NDNF: variants seen among roughly 807,000 people sequenced by gnomAD.
NDNF encodes neuron derived neurotrophic factor.
A neutral mutation model predicts 42.0 loss-of-function variants in NDNF; 16 were observed. That is an observed-to-expected ratio of 0.38 (90% CI 0.26 to 0.58). The LOEUF (loss-of-function observed/expected upper bound fraction) is 0.58. Among genes scored for constraint, NDNF ranks in the 20% least tolerant of loss-of-function variants. NDNF has a pLI of 0.67. For synonymous variants in NDNF, 248 were observed against 251.7 expected (o/e 0.99, Z 0.14); for missense variants, 616 against 666.2 (o/e 0.92, Z 0.83).
At chr4:121,058,806 A>C (rs1727347195) in intron 1 of NDNF, among the ~76,000 whole-genome samples, 1 of 152,014 alleles carries the variant, frequency 6.6e-6, no homozygotes, top group African/African-American at 2.4e-5. Context: ...ACCCATTTCC[A>C]ATATCTCTCA....
chr4:121,039,176 CTA>C (rs1301250931), intron 3 of NDNF, among the ~76,000 whole-genome samples: 2,108 of 12,632 alleles, frequency 0.17, 129 homozygotes, highest in African/African-American at 0.23. Context: ...TATATAAAGA[CTA>C]TGTGTGTGTG....
chr4:121,066,411 C>T (rs1727500453), intron 1 of NDNF, among the ~76,000 whole-genome samples: 1 of 152,142 alleles, frequency 6.6e-6, no homozygotes, highest in Admixed American at 6.5e-5. Flanking sequence ...CAGAAGTCAC[C>T]ATACACTTGT....
chr4:121,065,834 TA>T (rs1433984183), intron 1 of NDNF, among the ~76,000 whole-genome samples: 1 of 152,108 alleles, frequency 6.6e-6, no homozygotes, highest in African/African-American at 2.4e-5. Context: ...GTTATTAAAA[TA>T]TCTTTGTAAA....
chr4:121,053,665 A>G (rs1008600813), intron 1 of NDNF, among the ~76,000 whole-genome samples: 2 of 152,236 alleles, frequency 1.3e-5, no homozygotes, highest in Non-Finnish European at 2.9e-5. Flanking sequence ...CTGGAACAGA[A>G]TACTAAATAC....
chr4:121,052,930 T>C (rs1028661386), intron 1 of NDNF, among the ~76,000 whole-genome samples: 2 of 152,186 alleles, frequency 1.3e-5, no homozygotes, highest in South Asian at 2.1e-4. Flanking sequence ...ATAAAGCAGA[T>C]GGAAGTAAAG....
At chr4:121,046,306 T>C (rs1438415835) in intron 1 of NDNF, among the ~76,000 whole-genome samples, 1 of 152,204 alleles carries the variant, frequency 6.6e-6, no homozygotes, top group Non-Finnish European at 1.5e-5. Context: ...GGTTGAACTA[T>C]TACATTCAAC....
In NDNF at chr4:121,072,146, AAG is replaced by A. The variant is rs1267327936; in HGVS notation, c.-157_-156del. On this transcript the variant is annotated 5_prime_UTR_variant, in exon 1 of 4. Transcript: ENST00000379692. The stretch of plus-strand genomic sequence containing the variant: ...GGAGGGCGGGGACGGAGGCAGATAA[AAG>A]AGAAAAATTCAATCCGCTGAAGTGT... 3 of 152,370 alleles carry A rather than the reference AAG, an allele frequency of 2.0e-5. No homozygotes were observed. The highest frequency in any genetic ancestry group is 4.4e-5 in the Non-Finnish European group (3 of 68,190). The allele number at this position is 152,370 out of a possible 1,614,324, so 9.4% of individuals were successfully genotyped here. A position where few individuals can be genotyped will look rare whatever the true frequency, so the allele number is the denominator to read the frequency against.
intron 1 of NDNF, among the ~76,000 whole-genome samples, chr4:121,069,424 G>A (rs1018968832): frequency 1.3e-5 from 2 of 152,174 alleles, no homozygotes; most frequent in Non-Finnish European, 2.9e-5. Context: ...ATTAAAAGAT[G>A]TTTTATATTC....
chr4:121,057,220 G>A (rs1025039849), intron 1 of NDNF, among the ~76,000 whole-genome samples: 2 of 152,122 alleles, frequency 1.3e-5, no homozygotes, highest in African/African-American at 4.8e-5. Context: ...GGAAGAAGGG[G>A]CCCTTCTAGG....
intron 1 of NDNF, among the ~76,000 whole-genome samples, chr4:121,069,451 T>C (rs547214556): frequency 6.6e-6 from 1 of 152,362 alleles, no homozygotes; most frequent in South Asian, 2.1e-4. Context: ...TCATTTCTGC[T>C]GAAATAAATG....
In NDNF at chr4:121,072,469, G is replaced by C. The variant is rs987571285; in HGVS notation, c.-478C>G. 1.3e-5 allele frequency: 2 copies of C among 151,842 alleles called. No homozygotes were observed. The highest frequency in any genetic ancestry group is 2.4e-5 in the African/African-American group (1 of 41,396). The allele number at this position is 151,842 out of a possible 1,614,324, so 9.4% of individuals were successfully genotyped here. Reference sequence around the variant, plus strand: ...GCTGGGAGAGCCGGGCGCACGGGGCGGCAGCGGCCGTGGCGGGTGCGCTGC... The same window carrying C: ...GCTGGGAGAGCCGGGCGCACGGGGCCGCAGCGGCCGTGGCGGGTGCGCTGC... On this transcript the variant is annotated 5_prime_UTR_variant, in exon 1 of 4. Transcript: ENST00000379692.
At chr4:121,042,818 T>A (rs534420383) in intron 2 of NDNF, among the ~76,000 whole-genome samples, 1 of 152,294 alleles carries the variant, frequency 6.6e-6, no homozygotes, top group South Asian at 2.1e-4. Flanking sequence ...AATGTACAAG[T>A]TTGTCTATTA....
intron 1 of NDNF, among the ~76,000 whole-genome samples, chr4:121,063,794 A>G (rs1727455839): frequency 6.6e-6 from 1 of 152,064 alleles, no homozygotes; most frequent in African/African-American, 2.4e-5. Context: ...AAAAAGACTA[A>G]CCTTCTAGAA....
At chr4:121,051,879 T>C (rs1283092037) in intron 1 of NDNF, among the ~76,000 whole-genome samples, 1 of 152,248 alleles carries the variant, frequency 6.6e-6, no homozygotes, top group Non-Finnish European at 1.5e-5. Flanking sequence ...TTAATAGTTA[T>C]AGACTGCTAT....
intron 1 of NDNF, among the ~76,000 whole-genome samples, chr4:121,046,335 T>C (rs556060896): frequency 2.0e-5 from 3 of 152,330 alleles, no homozygotes; most frequent in South Asian, 2.1e-4. Flanking sequence ...CAGAGACTCA[T>C]TGAGAACCAG....
chr4:121,045,746 T>C lies in NDNF; in HGVS notation c.92A>G (p.Gln31Arg), dbSNP rs1170720479. The change falls in exon 2 of 4, where the codon CAG becomes CGG. Residue 31 changes from glutamine (Q) to arginine (R), a missense_variant. Physicochemically the swap from Gln to Arg is conservative, Grantham distance 43 (BLOSUM62 1). Transcript: ENST00000379692. ...KLPTRDEELF[Q>R]MQIRDKAFFH... Reference sequence around the variant, plus strand: ...AAATGCCTTGTCCCGGATCTGCATCTGAAAAAGTTCCTCATCCCGGGTGGG... The same window carrying C: ...AAATGCCTTGTCCCGGATCTGCATCCGAAAAAGTTCCTCATCCCGGGTGGG... 1.2e-6 allele frequency: 2 copies of C among 1,614,206 alleles called. No homozygotes were observed. Among genetic ancestry groups the C allele is most frequent in the East Asian group, 2.2e-5 (1 of 44,886 alleles).
intron 1 of NDNF, chr4:121,061,591 T>G (rs1371846216): frequency 3.9e-5 from 6 of 152,238 alleles, no homozygotes; most frequent in Non-Finnish European, 8.8e-5. Flanking sequence ...ATGTCTGAGT[T>G]CCTCTTCAAT....
intron 2 of NDNF, among the ~76,000 whole-genome samples, chr4:121,041,618 A>G (rs1366004715): frequency 1.3e-5 from 2 of 152,232 alleles, no homozygotes; most frequent in African/African-American, 4.8e-5. Context: ...GAAATCACAT[A>G]GTACATTTGC....
rs1165192645 is a variant in NDNF at position 121,072,440 on chromosome 4, G to A, written c.-449C>T. On this transcript the variant is annotated 5_prime_UTR_variant, in exon 1 of 4. Coordinates refer to ENST00000379692, the MANE Select transcript of NDNF (RefSeq NM_024574.4). ...AGGCGCCTGGCTGGAGCGCCGCGCGGGGTGCTGGGAGAGCCGGGCGCACGG... is the reference window on the plus strand; with the variant it reads ...AGGCGCCTGGCTGGAGCGCCGCGCGAGGTGCTGGGAGAGCCGGGCGCACGG... 2.0e-5 allele frequency: 3 copies of A among 151,836 alleles called. No homozygotes were observed. Among genetic ancestry groups the A allele is most frequent in the African/African-American group, 7.2e-5 (3 of 41,406 alleles). The allele number at this position is 151,836 out of a possible 1,614,324, so 9.4% of individuals were successfully genotyped here.
Sources: allele counts gnomAD v4.1 joint callset (sites outside exome capture counted in the v4.1 genomes callset), GRCh38; gene constraint gnomAD v4.1.1; transcripts MANE v1.5; gene names NCBI Gene and HGNC (gene_info 2026-07-23, HGNC 2026-07-21).